The following INAVA variants were observed in gnomAD, a reference collection of about 807,000 sequenced individuals.
INAVA encodes innate immunity activator protein.
INAVA carries 32 observed loss-of-function variants against 55.3 expected under a neutral mutation model. The observed-to-expected ratio is 0.58, with a 90% CI of 0.44 to 0.78. The LOEUF (loss-of-function observed/expected upper bound fraction) is 0.78. Among genes scored for constraint, INAVA ranks in the 30% least tolerant of loss-of-function variants. The probability of loss-of-function intolerance (pLI) is 0.00; values close to 1 mark genes in which losing one functional copy is unlikely to be tolerated. For missense variants in INAVA, 756 were observed against 786.4 expected, an observed-to-expected ratio of 0.96 and a Z score of 0.46; for synonymous variants, 294 against 329.4, an observed-to-expected ratio of 0.89 and a Z score of 1.16.
chr1:200,898,520 A>G (rs1389890226), intron 2 of INAVA, 65 bp downstream of exon 2: 2 of 1,564,858 alleles, frequency 1.3e-6, no homozygotes, highest in Non-Finnish European at 1.7e-6. Context: ...CCTGGCCCTG[A>G]CTCCTGAGTC....
intron 6 of INAVA, 162 bp downstream of exon 6, chr1:200,908,049 C>G (rs1428819323): frequency 7.3e-6 from 4 of 549,448 alleles, no homozygotes; most frequent in African/African-American, 3.8e-5. Flanking sequence ...CATGTCCTTG[C>G]ACATGCTCAG....
upstream of INAVA, among the ~76,000 whole-genome samples, chr1:200,892,778 C>T (rs949027383): frequency 2.0e-5 from 3 of 152,164 alleles, no homozygotes; most frequent in Non-Finnish European, 4.4e-5. Context: ...GATGGCTCCC[C>T]GGGGTTCTTG....
At chr1:200,913,496 G>T (rs2102319541) in intron 9 of INAVA, 41 bp from the exon 10 acceptor site, 6 of 1,526,204 alleles carry the variant, frequency 3.9e-6, no homozygotes, top group African/African-American at 1.4e-5. Flanking sequence ...TTTTCTGCCT[G>T]GTTCATTTAC....
rs1653230560 is a variant in INAVA, at chr1:200,901,016, A to G, written c.377A>G (p.Glu126Gly). The G allele has an allele frequency of 1.3e-6, 2 of 1,550,874 alleles. No homozygotes were observed. The highest frequency in any genetic ancestry group is 1.7e-6 in the Non-Finnish European group (2 of 1,147,078). The change falls in exon 5 of 10, where the codon GAG (glutamate) becomes GGG (glycine). Residue 126 changes from glutamate (E) to glycine (G), a missense_variant. Glu to Gly is a moderately conservative substitution (Grantham distance 98). Transcript: ENST00000413687. ...GCAGCCCGTCGGCTGTGCCTGGAGGAGAACCTCAGCAGGCAGGCTCGGCGG... is the reference window on the plus strand; with the variant it reads ...GCAGCCCGTCGGCTGTGCCTGGAGGGGAACCTCAGCAGGCAGGCTCGGCGG... ...TEAARRLCLE[E>G]NLSRQARRQR...
At chr1:200,904,020 T>A (rs1653383343) in intron 5 of INAVA, among the ~76,000 whole-genome samples, 1 of 151,768 alleles carries the variant, frequency 6.6e-6, no homozygotes, top group African/African-American at 2.4e-5. Context: ...CACCCACCTG[T>A]GCAATGTAAT....
chr1:200,894,771 C>G (rs962422530), upstream of INAVA: 4 of 985,380 alleles, frequency 4.1e-6, no homozygotes, highest in African/African-American at 7.0e-5. Flanking sequence ...CCTCCTGCCC[C>G]CCGGAAGTGC....
chr1:200,913,272 G>A (rs1338243752), intron 9 of INAVA, among the ~76,000 whole-genome samples: 1 of 152,220 alleles, frequency 6.6e-6, no homozygotes, highest in East Asian at 1.9e-4. Context: ...GGAGGGTGAT[G>A]AGAAGTGAGC....
At chr1:200,894,883 C>A, upstream of INAVA, 2 of 985,652 alleles carry the variant, frequency 2.0e-6, no homozygotes, top group Non-Finnish European at 2.4e-6. Flanking sequence ...TAACAAGTAA[C>A]CTGGTTCCCC....
upstream of INAVA, chr1:200,894,737 T>C: frequency 1.0e-6 from 1 of 954,478 alleles, no homozygotes; most frequent in East Asian, 1.2e-4. Context: ...GATTCCTCCA[T>C]GGGAGCCCCT....
chr1:200,910,618 G>T (rs1180377283), intron 8 of INAVA, among the ~76,000 whole-genome samples: 1 of 152,178 alleles, frequency 6.6e-6, no homozygotes, highest in Non-Finnish European at 1.5e-5. Context: ...GTCTTGCTCT[G>T]TCATCCAGCC....
Position 200,911,844 on chromosome 1 carries a change from G to A in INAVA, c.1351G>A (p.Glu451Lys), listed in dbSNP as rs1201805499. 1.3e-6 allele frequency: 2 copies of A among 1,598,674 alleles called. No homozygotes were observed. Among genetic ancestry groups the A allele is most frequent in the Non-Finnish European group, 1.7e-6 (2 of 1,176,852 alleles). Residue 451 changes from glutamate (E) to lysine (K), a missense_variant, in exon 9 of 10, where the codon GAG becomes AAG. Glu to Lys is a moderately conservative substitution (Grantham distance 56). Transcript: ENST00000413687. Reference protein sequence around the residue: ...AESPLPPGEWELRRAAPGPAY... With the variant: ...AESPLPPGEWKLRRAAPGPAY... ...GAGCCCCCTGCCGCCTGGCGAGTGG[G>A]AGCTGCGCCGCGCAGCCCCGGGCCC...
chr1:200,911,557 C>T lies in INAVA; in HGVS notation c.1064C>T (p.Ala355Val), dbSNP rs549794709. 5 of 1,613,692 alleles carry T rather than the reference C, an allele frequency of 3.1e-6. No homozygotes were observed. Among genetic ancestry groups the T allele is most frequent in the Non-Finnish European group, 2.5e-6 (3 of 1,179,880 alleles). The change falls in exon 9 of 10, where the codon GCG becomes GTG. Residue 355 changes from alanine (A) to valine (V), a missense_variant. Transcript: ENST00000413687. ...ACAGTGCCAGATTCCTGCTTTCCCG[C>T]GACCAAGCCCCCGCTGCCCCACGCC... ...TVTVPDSCFP[A>V]TKPPLPHAAC...
At chr1:200,898,606 C>T (rs1008071935) in intron 2 of INAVA, 151 bp downstream of exon 2, 5 of 848,028 alleles carry the variant, frequency 5.9e-6, no homozygotes, top group African/African-American at 3.4e-5. Context: ...GAGGCCTCTG[C>T]TGGGAGGAGG....
chr1:200,908,820 C>G lies in INAVA; in HGVS notation c.665C>G (p.Thr222Arg), dbSNP rs778568700. 8.1e-6 allele frequency: 13 copies of G among 1,613,976 alleles called. No individual in the cohort carries two copies. Among genetic ancestry groups the G allele is most frequent in the South Asian group, 1.1e-5 (1 of 91,032 alleles). Residue 222 changes from threonine (T) to arginine (R), a missense_variant, in exon 7 of 10, where the codon ACA becomes AGA. By Grantham distance (71) the Thr-to-Arg change is moderately conservative (BLOSUM62 -1). This residue lies in a region of INAVA where 639 missense variants were observed against 624.3 expected (regional missense o/e 1.02). Coordinates refer to ENST00000413687, the MANE Select transcript of INAVA (RefSeq NM_001142569.3). The stretch of plus-strand genomic sequence containing the variant: ...CAAACCCTTGAGGGTCTGCAGCCAA[C>G]AGGACCTGAGGCTGGGAGCCCAGAA... The part of the protein sequence containing the change: ...PPQTLEGLQP[T>R]GPEAGSPERA...
Position 200,901,092 on chromosome 1 carries a change from G to C in INAVA, c.453G>C (p.Gln151His). Residue 151 changes from glutamine (Q) to histidine (H), a missense_variant, in exon 5 of 10, where the codon CAG becomes CAC. Physicochemically the swap from Gln to His is conservative, Grantham distance 24 (BLOSUM62 0). Coordinates refer to ENST00000413687, the MANE Select transcript of INAVA (RefSeq NM_001142569.3). Reference sequence around the variant, plus strand: ...AGGAGAAGAAGCTGCAGGAGCTCCAGCGCTGCCTGGTCGAGCGGCGGCGCA... The same window carrying C: ...AGGAGAAGAAGCTGCAGGAGCTCCACCGCTGCCTGGTCGAGCGGCGGCGCA... ...LQEEKKLQELQRCLVERRRNS... is the reference protein window; with the variant it reads ...LQEEKKLQELHRCLVERRRNS... The C allele has an allele frequency of 6.5e-7, 1 of 1,538,106 alleles. No homozygotes were observed. The highest frequency in any genetic ancestry group is 8.7e-7 in the Non-Finnish European group (1 of 1,145,880).
At chr1:200,905,916 G>A (rs1653470373) in intron 5 of INAVA, among the ~76,000 whole-genome samples, 1 of 152,200 alleles carries the variant, frequency 6.6e-6, no homozygotes, top group African/African-American at 2.4e-5. Context: ...GTGGTTAAGA[G>A]CAGACTCCAG....
chr1:200,900,245 G>T (rs754549782), intron 4 of INAVA, 25 bp downstream of exon 4: 2 of 1,595,944 alleles, frequency 1.3e-6, no homozygotes, highest in Admixed American at 1.7e-5. Context: ...GAAGCTGCCA[G>T]TACCCCTCGA....
At chr1:200,894,016 G>GA (rs1668289136), upstream of INAVA, among the ~76,000 whole-genome samples, 1 of 152,186 alleles carries the variant, frequency 6.6e-6, no homozygotes, top group Non-Finnish European at 1.5e-5. Flanking sequence ...GGACAGGCCA[G>GA]GCAACAGTCA....
At chr1:200,893,062 T>A (rs1243466346), upstream of INAVA, among the ~76,000 whole-genome samples, 1 of 152,166 alleles carries the variant, frequency 6.6e-6, no homozygotes, top group East Asian at 1.9e-4. Flanking sequence ...GATATCATTG[T>A]TTTTCACCAA....
Sources: allele counts gnomAD v4.1 joint callset (sites outside exome capture counted in the v4.1 genomes callset), GRCh38; gene constraint gnomAD v4.1.1; regional missense constraint gnomAD v4.1.1; transcripts MANE v1.5; gene names NCBI Gene and HGNC (gene_info 2026-07-23, HGNC 2026-07-21).